The following UTRN variants were observed in gnomAD, a reference collection of about 807,000 sequenced individuals.
UTRN encodes the protein utrophin.
A neutral mutation model predicts 463.9 loss-of-function variants in UTRN; 283 were observed. That is an observed-to-expected ratio of 0.61 (90% confidence interval 0.55 to 0.67). The LOEUF (loss-of-function observed/expected upper bound fraction) is 0.67. Among genes scored for constraint, UTRN ranks in the 30% least tolerant of loss-of-function variants. UTRN has a pLI of 0.00. For synonymous variants in UTRN, 1,442 were observed against 1,431.5 expected, an observed-to-expected ratio of 1.01 and a Z score of -0.17; for missense variants, 3,922 against 4,084.3, an observed-to-expected ratio of 0.96 and a Z score of 1.08.
chr6:144,597,122 C>T (rs1803733353), intron 51 of UTRN, among the ~76,000 whole-genome samples: 2 of 151,906 alleles, frequency 1.3e-5, no homozygotes, highest in Non-Finnish European at 2.9e-5. Flanking sequence ...CCTGTAGTCC[C>T]AGCTACTGGG....
chr6:144,749,790 G>A (rs995715813), intron 55 of UTRN, among the ~76,000 whole-genome samples: 22 of 152,214 alleles, frequency 1.4e-4, no homozygotes, highest in African/African-American at 5.3e-4. Flanking sequence ...TATTTTTGGA[G>A]AGGAAAAATT....
chr6:144,702,235 A>G, intron 53 of UTRN, among the ~76,000 whole-genome samples: 1 of 152,208 alleles, frequency 6.6e-6, no homozygotes, highest in South Asian at 2.1e-4. Flanking sequence ...TCAGCCTCTC[A>G]GTCTGTCCTG....
chr6:144,542,711 T>C, intron 45 of UTRN, 84 bp from the exon 46 acceptor site: 2 of 1,399,790 alleles, frequency 1.4e-6, no homozygotes, highest in South Asian at 1.3e-5. Flanking sequence ...AGAGCTGCCA[T>C]TCAGAATAAC....
In UTRN at chr6:144,490,170, A is replaced by G. The variant is rs1792919678; in HGVS notation, c.4234A>G (p.Arg1412Gly). The G allele has an allele frequency of 6.2e-7, 1 of 1,612,332 alleles. No homozygotes were observed. The highest frequency in any genetic ancestry group is 1.1e-5 in the South Asian group (1 of 90,880). ...PLTSPESRTA[R>G]GGSQMDVLQR... ...GACCTCCCCAGAGAGTAGGACTGCC[A>G]GAGGAGGAAGTCAGATGGATGTGCT... The change falls in exon 31 of 75, where the codon AGA becomes GGA. Residue 1412 changes from arginine (R) to glycine (G), a missense_variant. Physicochemically the swap from Arg to Gly is moderately radical, Grantham distance 125. This residue lies in a region of UTRN where 2,349 missense variants were observed against 2,303.8 expected (regional missense o/e 1.02). Transcript: ENST00000367545.
chr6:144,589,210 T>G (rs1802764721), intron 51 of UTRN, among the ~76,000 whole-genome samples: 1 of 152,164 alleles, frequency 6.6e-6, no homozygotes, highest in Admixed American at 6.5e-5. Flanking sequence ...TTAACAGAAT[T>G]GAGAGAAAAA....
At chr6:144,488,593 T>C in intron 29 of UTRN, 80 bp from the exon 30 acceptor site, 2 of 1,389,668 alleles carry the variant, frequency 1.4e-6, no homozygotes, top group Non-Finnish European at 1.9e-6. Context: ...TTATGGTCTT[T>C]TCTTAGTGGC....
At chr6:144,594,463 G>T (rs1803440688) in intron 51 of UTRN, among the ~76,000 whole-genome samples, 4 of 151,998 alleles carry the variant, frequency 2.6e-5, no homozygotes, top group Admixed American at 2.0e-4. Context: ...TTGAATTTGG[G>T]ACTATACCTT....
chr6:144,794,082 C>G, intron 63 of UTRN, 91 bp downstream of exon 63: 1 of 1,505,356 alleles, frequency 6.6e-7, no homozygotes, highest in Non-Finnish European at 8.9e-7. Context: ...CGGGCTGGAG[C>G]CAAATACTGG....
At chr6:144,454,393 G>C (rs1045267491) in intron 19 of UTRN, among the ~76,000 whole-genome samples, 4 of 150,972 alleles carry the variant, frequency 2.6e-5, no homozygotes, top group Admixed American at 2.6e-4. Context: ...TTTTGCTGTA[G>C]CTCCCAGTGA....
chr6:144,602,913 T>C (rs894125627), intron 51 of UTRN, among the ~76,000 whole-genome samples: 7 of 152,244 alleles, frequency 4.6e-5, no homozygotes, highest in Non-Finnish European at 1.0e-4. Flanking sequence ...AGTAGTTTAG[T>C]GTAAAATAGC....
chr6:144,554,789 C>T lies in UTRN; in HGVS notation c.7030C>T (p.His2344Tyr). The T allele has an allele frequency of 6.2e-7, 1 of 1,613,818 alleles. No homozygotes were observed. Among genetic ancestry groups the T allele is most frequent in the Non-Finnish European group, 8.5e-7 (1 of 1,179,962 alleles). The change falls in exon 49 of 75, where the codon CAT becomes TAT. Residue 2344 changes from histidine (H) to tyrosine (Y), a missense_variant. By Grantham distance (83) the His-to-Tyr change is moderately conservative (BLOSUM62 2). Around this residue, in one of 3 missense-constraint regions of UTRN, gnomAD observed 1,309 missense variants for 1,452.6 expected, o/e 0.90. Transcript: ENST00000367545. ...TATTGACAGTCTTCAGTGGGATGAC[C>T]ATAGGGAGGAGACTGAAGAACTGAT... ...MIIDSLQWDD[H>Y]REETEELMRK... is the part of the protein sequence containing the mutation.
Position 144,551,077 on chromosome 6 carries a change from A to G in UTRN, c.6923A>G (p.Glu2308Gly). Residue 2308 changes from glutamate (E) to glycine (G), a missense_variant, in exon 48 of 75, where the codon GAA becomes GGA. Glu to Gly is a moderately conservative substitution (Grantham distance 98). Around this residue, in one of 3 missense-constraint regions of UTRN, gnomAD observed 1,309 missense variants for 1,452.6 expected, o/e 0.90. Coordinates refer to ENST00000367545, the MANE Select transcript of UTRN (RefSeq NM_007124.3). The stretch of plus-strand genomic sequence containing the variant: ...TCAGATATGAGAACAGCAATTACAG[A>G]AAAATGTAAGTTTTTTAAAAAAAGT... ...SSSDMRTAIT[E>G]KLERVKNQWD... The G allele has an allele frequency of 6.3e-7, 1 of 1,590,388 alleles. No homozygotes were observed. The highest frequency in any genetic ancestry group is 8.5e-7 in the Non-Finnish European group (1 of 1,173,484).
chr6:144,814,124 C>G (rs1454465844), intron 65 of UTRN, among the ~76,000 whole-genome samples: 1 of 152,158 alleles, frequency 6.6e-6, no homozygotes, highest in East Asian at 1.9e-4. Flanking sequence ...GAAATCTAAT[C>G]CCTAGTGTGA....
intron 53 of UTRN, among the ~76,000 whole-genome samples, chr6:144,700,978 C>T (rs989185249): frequency 6.6e-6 from 1 of 151,954 alleles, no homozygotes; most frequent in African/African-American, 2.4e-5. Flanking sequence ...ATGATCTCAG[C>T]TCACTGCAAC....
intron 50 of UTRN, among the ~76,000 whole-genome samples, chr6:144,559,368 T>C (rs1016942219): frequency 1.3e-5 from 2 of 152,124 alleles, no homozygotes; most frequent in African/African-American, 4.8e-5. Context: ...TTGTTATCTA[T>C]AAAACAGGGA....
chr6:144,683,525 G>C (rs1010130550), intron 52 of UTRN, among the ~76,000 whole-genome samples: 1 of 152,146 alleles, frequency 6.6e-6, no homozygotes, highest in African/African-American at 2.4e-5. Context: ...GGAGCACACT[G>C]TTCAGCCCTA....
rs373047269 is a variant in UTRN at position 144,590,325 on chromosome 6, A to G, written c.7479+13037A>G. Among the ~76,000 whole-genome samples the G allele has an allele frequency of 4.6e-5, 7 of 152,336 alleles. No homozygotes were observed. The East Asian group carries it at 1.3e-3, about 29-fold the overall frequency. ...GGATTGGGTCATTTCCATCCATATT[A>G]AAATAGTTGGTTCTGGTTTTTGATT... On this transcript the variant is annotated intron_variant, in intron 51 of 74. Transcript: ENST00000367545.
At chr6:144,543,521 G>A (rs995678469) in intron 46 of UTRN, among the ~76,000 whole-genome samples, 2 of 152,062 alleles carry the variant, frequency 1.3e-5, no homozygotes, top group South Asian at 2.1e-4. Context: ...TGGCAAAACC[G>A]CAAATGTGAC....
intron 7 of UTRN, among the ~76,000 whole-genome samples, 190 bp from the exon 8 acceptor site, chr6:144,428,588 T>C (rs1298789943): frequency 6.6e-6 from 1 of 152,154 alleles, no homozygotes; most frequent in Non-Finnish European, 1.5e-5. Flanking sequence ...TTGGAAAGTA[T>C]TATCTGTTAT....
Sources: allele counts gnomAD v4.1 joint callset (sites outside exome capture counted in the v4.1 genomes callset), GRCh38; gene constraint gnomAD v4.1.1; regional missense constraint gnomAD v4.1.1; transcripts MANE v1.5; gene names NCBI Gene and HGNC (gene_info 2026-07-23, HGNC 2026-07-21).